The following PHKB variants were observed in gnomAD, a reference collection of about 807,000 sequenced individuals.
PHKB encodes the protein phosphorylase kinase regulatory subunit beta, also known as phosphorylase b kinase regulatory subunit beta.
PHKB carries 122 observed loss-of-function variants against 152.1 expected under a neutral mutation model. The observed-to-expected ratio is 0.80, with a 90% CI of 0.69 to 0.93. The LOEUF is 0.93. Among genes scored for constraint, PHKB ranks in the 40% least tolerant of loss-of-function variants. The pLI is 0.00. For missense variants in PHKB, 1,304 were observed against 1,328.4 expected, an observed-to-expected ratio of 0.98 and a Z score of 0.29; for synonymous variants, 436 against 464.9, an observed-to-expected ratio of 0.94 and a Z score of 0.80.
At chr16:47,572,660 CTG>C in intron 7 of PHKB, among the ~76,000 whole-genome samples, 1 of 152,284 alleles carries the variant, frequency 6.6e-6, no homozygotes, top group South Asian at 2.1e-4. Context: ...AGCACCAACT[CTG>C]ATGGTGGCAG....
intron 7 of PHKB, among the ~76,000 whole-genome samples, chr16:47,550,375 G>T (rs997246644): frequency 6.6e-6 from 1 of 152,170 alleles, no homozygotes; most frequent in African/African-American, 2.4e-5. Context: ...TTACTGTTTA[G>T]TGCAGTATCC....
chr16:47,536,162 C>CCA (rs1970948824), intron 6 of PHKB, among the ~76,000 whole-genome samples: 3 of 152,312 alleles, frequency 2.0e-5, no homozygotes, highest in Non-Finnish European at 2.9e-5. Context: ...AGCGATTCTC[C>CCA]TGTCTCAGCC....
chr16:47,585,055 A>AT (rs1971912674), intron 8 of PHKB, among the ~76,000 whole-genome samples: 1 of 152,194 alleles, frequency 6.6e-6, no homozygotes, highest in Non-Finnish European at 1.5e-5. Context: ...TCAAGTCCCC[A>AT]TGACAGTGGT....
chr16:47,647,113 G>GTATTTATT (rs752246332), intron 16 of PHKB, among the ~76,000 whole-genome samples: 2 of 151,660 alleles, frequency 1.3e-5, no homozygotes, highest in Admixed American at 6.6e-5. Flanking sequence ...ATTTATTTAT[G>GTATTTATT]TATTTATTTA....
intron 14 of PHKB, among the ~76,000 whole-genome samples, chr16:47,628,582 A>G (rs1197911687): frequency 6.6e-6 from 1 of 152,186 alleles, no homozygotes; most frequent in Admixed American, 6.5e-5. Flanking sequence ...GCTCAATACA[A>G]TTGCAAAAAT....
chr16:47,655,052 T>C (rs923308845), intron 20 of PHKB, among the ~76,000 whole-genome samples: 11 of 152,140 alleles, frequency 7.2e-5, no homozygotes, highest in Non-Finnish European at 1.2e-4. Flanking sequence ...ATAGAAATTC[T>C]AAATGAAAAA....
At chr16:47,544,066 A>AT (rs1189611984) in intron 6 of PHKB, among the ~76,000 whole-genome samples, 3 of 151,742 alleles carry the variant, frequency 2.0e-5, no homozygotes, top group South Asian at 2.1e-4. Context: ...TTTTTGAAGG[A>AT]TTTTTTGTTT....
chr16:47,635,400 T>C (rs560279659), intron 14 of PHKB, among the ~76,000 whole-genome samples: 2 of 152,332 alleles, frequency 1.3e-5, no homozygotes, highest in East Asian at 3.9e-4. Context: ...TCTCAATAAG[T>C]GTTCTCAGTT....
chr16:47,689,253 G>A, intron 27 of PHKB, 78 bp downstream of exon 27: 2 of 1,395,280 alleles, frequency 1.4e-6, no homozygotes, highest in Non-Finnish European at 2.0e-6. Context: ...ATATATCTAT[G>A]AAATTGATAA....
At chr16:47,550,667 G>A (rs950068382) in intron 7 of PHKB, among the ~76,000 whole-genome samples, 1 of 152,070 alleles carries the variant, frequency 6.6e-6, no homozygotes, top group Non-Finnish European at 1.5e-5. Flanking sequence ...ATTTTGTCCT[G>A]GGCTTTTGTT....
At chr16:47,491,679 G>GTATC (rs1443636477) in intron 1 of PHKB, among the ~76,000 whole-genome samples, 3 of 151,744 alleles carry the variant, frequency 2.0e-5, no homozygotes. Flanking sequence ...CAGTCTTTAT[G>GTATC]TATCTCTCAT....
chr16:47,629,046 G>A (rs1422488537), intron 14 of PHKB, among the ~76,000 whole-genome samples: 1 of 152,210 alleles, frequency 6.6e-6, no homozygotes, highest in Non-Finnish European at 1.5e-5. Context: ...AGACTTAAAT[G>A]TTAGACCTAA....
At chr16:47,466,127 C>G (rs762331672) in intron 1 of PHKB, among the ~76,000 whole-genome samples, 1 of 152,058 alleles carries the variant, frequency 6.6e-6, no homozygotes, top group Non-Finnish European at 1.5e-5. Flanking sequence ...TGTGTGCATA[C>G]TTGAGTTGTG....
chr16:47,516,606 A>G lies in PHKB; in HGVS notation c.594+1005A>G, dbSNP rs77086405. 6.9e-3 allele frequency among the ~76,000 whole-genome samples: 1,044 copies of G among 152,284 alleles called. 13 individuals are homozygous for G. Among genetic ancestry groups the G allele is most frequent in the African/African-American group, 0.023 (974 of 41,548 alleles). On this transcript the variant is annotated intron_variant, in intron 6 of 30. Coordinates refer to ENST00000323584, the MANE Select transcript of PHKB (RefSeq NM_000293.3). ...CCTGTGATCCATGCAAGGGAGAACA[A>G]TTACATCAGACACTCAACACCAAAA...
At chr16:47,648,737 G>A (rs1049829326) in intron 17 of PHKB, 121 bp downstream of exon 17, 23 of 737,430 alleles carry the variant, frequency 3.1e-5, no homozygotes, top group Non-Finnish European at 4.7e-5. Context: ...CTTATCTGAA[G>A]TATTATTTTC....
At chr16:47,552,332 G>T (rs1288245347) in intron 7 of PHKB, among the ~76,000 whole-genome samples, 2 of 152,198 alleles carry the variant, frequency 1.3e-5, no homozygotes, top group African/African-American at 4.8e-5. Flanking sequence ...CATTTGGCAT[G>T]TTTTTGCAGT....
chr16:47,560,020 G>C (rs1971449400), intron 7 of PHKB, among the ~76,000 whole-genome samples: 1 of 152,208 alleles, frequency 6.6e-6, no homozygotes, highest in African/African-American at 2.4e-5. Context: ...GTGGAAGCAA[G>C]TACTTCCTTC....
chr16:47,534,024 C>T (rs945440937), intron 6 of PHKB, among the ~76,000 whole-genome samples: 4 of 152,238 alleles, frequency 2.6e-5, no homozygotes, highest in Admixed American at 6.5e-5. Flanking sequence ...TACAGAGATA[C>T]CCTGGTCTTC....
intron 2 of PHKB, among the ~76,000 whole-genome samples, chr16:47,498,643 G>A (rs1373932934): frequency 6.6e-6 from 1 of 152,228 alleles, no homozygotes; most frequent in Non-Finnish European, 1.5e-5. Flanking sequence ...TCTCATGCCT[G>A]TAATCCTAGC....
Sources: allele counts gnomAD v4.1 joint callset (sites outside exome capture counted in the v4.1 genomes callset), GRCh38; gene constraint gnomAD v4.1.1; transcripts MANE v1.5; gene names NCBI Gene and HGNC (gene_info 2026-07-23, HGNC 2026-07-21).